ZCCHC7: variants seen among roughly 807,000 people sequenced by gnomAD.
ZCCHC7 encodes zinc finger CCHC-type containing 7, also known as zinc finger CCHC domain-containing protein 7.
In ZCCHC7, 35 loss-of-function variants were observed where a neutral mutation model predicts 52.0. The observed-to-expected ratio is 0.67, with a 90% confidence interval of 0.51 to 0.89. The LOEUF (loss-of-function observed/expected upper bound fraction) is 0.89, where lower values mean the gene tolerates loss of function less well. ZCCHC7 is among the 40% of genes least tolerant of loss of function. The pLI is 0.00. For missense variants in ZCCHC7, 574 were observed against 649.1 expected (o/e 0.88, Z 1.26); for synonymous variants, 217 against 221.5 (o/e 0.98, Z 0.18).
intron 8 of ZCCHC7, among the ~76,000 whole-genome samples, chr9:37,355,059 G>C (rs1327870914): frequency 2.0e-5 from 3 of 152,186 alleles, no homozygotes; most frequent in Admixed American, 2.0e-4. Context: ...TTTAGGAAAT[G>C]TCCAGAAAAT....
At chr9:37,317,426 T>A (rs1022045563) in intron 5 of ZCCHC7, among the ~76,000 whole-genome samples, 20 of 152,184 alleles carry the variant, frequency 1.3e-4, no homozygotes, top group Admixed American at 7.9e-4. Flanking sequence ...TTAATATAAG[T>A]ATTTCCTGGG....
At chr9:37,302,423 A>C (rs553786543) in intron 3 of ZCCHC7, among the ~76,000 whole-genome samples, 192 bp downstream of exon 3, 1 of 152,324 alleles carries the variant, frequency 6.6e-6, no homozygotes, top group East Asian at 1.9e-4. Context: ...AGCTGTAATC[A>C]TCCAGTCCCC....
intron 2 of ZCCHC7, among the ~76,000 whole-genome samples, chr9:37,228,980 C>G (rs953502859): frequency 1.3e-5 from 2 of 151,540 alleles, no homozygotes; most frequent in Non-Finnish European, 2.9e-5. Context: ...GGACTATAGG[C>G]GCCTGCCACC....
intron 6 of ZCCHC7, among the ~76,000 whole-genome samples, chr9:37,344,724 G>A (rs2118534765): frequency 6.6e-6 from 1 of 150,832 alleles, no homozygotes; most frequent in East Asian, 1.9e-4. Flanking sequence ...CTAATATTTT[G>A]TATGTTTGTG....
intron 3 of ZCCHC7, among the ~76,000 whole-genome samples, chr9:37,303,177 C>T (rs1829116018): frequency 2.0e-5 from 3 of 152,098 alleles, no homozygotes; most frequent in Admixed American, 2.0e-4. Flanking sequence ...GTAATCCCAA[C>T]ACTTTGGGAG....
chr9:37,291,226 G>A (rs1006839788), intron 2 of ZCCHC7, among the ~76,000 whole-genome samples: 1 of 152,150 alleles, frequency 6.6e-6, no homozygotes, highest in African/African-American at 2.4e-5. Flanking sequence ...AAAGAAACAC[G>A]TAGTCTAGGT....
At chr9:37,162,923 C>A (rs1821185714) in intron 2 of ZCCHC7, among the ~76,000 whole-genome samples, 1 of 152,042 alleles carries the variant, frequency 6.6e-6, no homozygotes, top group South Asian at 2.1e-4. Context: ...AAAATACAGG[C>A]CGGGTACTGT....
intron 2 of ZCCHC7, among the ~76,000 whole-genome samples, chr9:37,182,748 A>G (rs1822436558): frequency 6.6e-6 from 1 of 152,146 alleles, no homozygotes; most frequent in African/African-American, 2.4e-5. Flanking sequence ...TTATTTTTTG[A>G]GGTTTCAGTA....
At chr9:37,250,921 A>T (rs981493953) in intron 2 of ZCCHC7, among the ~76,000 whole-genome samples, 2 of 152,160 alleles carry the variant, frequency 1.3e-5, no homozygotes, top group African/African-American at 4.8e-5. Context: ...GTGGGTTCTG[A>T]TTACTTTACA....
intron 2 of ZCCHC7, among the ~76,000 whole-genome samples, chr9:37,184,501 G>C (rs1822544234): frequency 6.6e-6 from 1 of 151,664 alleles, no homozygotes; most frequent in South Asian, 2.1e-4. Flanking sequence ...CTGCTCTCCT[G>C]ATCTCTTATC....
chr9:37,235,677 G>C (rs768541349), intron 2 of ZCCHC7, among the ~76,000 whole-genome samples: 1 of 150,674 alleles, frequency 6.6e-6, no homozygotes, highest in African/African-American at 2.4e-5. Context: ...TGCAACCTCC[G>C]ACTCCCTGTT....
At chr9:37,271,449 A>C (rs959274793) in intron 2 of ZCCHC7, among the ~76,000 whole-genome samples, 2 of 152,236 alleles carry the variant, frequency 1.3e-5, no homozygotes, top group Non-Finnish European at 2.9e-5. Flanking sequence ...CTTATAAAGC[A>C]TATATATTTA....
intron 6 of ZCCHC7, 51 bp downstream of exon 6, chr9:37,327,885 T>G: frequency 6.3e-7 from 1 of 1,575,324 alleles, no homozygotes; most frequent in Non-Finnish European, 8.7e-7. Flanking sequence ...CTATTTACCC[T>G]TCTCTGAACT....
intron 6 of ZCCHC7, among the ~76,000 whole-genome samples, chr9:37,345,825 CAATT>C (rs1376361199): frequency 2.6e-5 from 4 of 151,908 alleles, no homozygotes; most frequent in Admixed American, 6.6e-5. Flanking sequence ...TATTATATCT[CAATT>C]GATAATACCT....
chr9:37,197,198 G>A (rs958789121), intron 2 of ZCCHC7, among the ~76,000 whole-genome samples: 2 of 151,946 alleles, frequency 1.3e-5, no homozygotes, highest in Non-Finnish European at 2.9e-5. Flanking sequence ...CCAGCCTCTA[G>A]TGTGATACTT....
intron 6 of ZCCHC7, among the ~76,000 whole-genome samples, chr9:37,343,604 G>A (rs762803834): frequency 8.5e-5 from 13 of 152,122 alleles, no homozygotes; most frequent in Non-Finnish European, 1.6e-4. Flanking sequence ...AACTAAATTC[G>A]GAAAAATTCC....
At chr9:37,268,151 TC>T (rs1204549783) in intron 2 of ZCCHC7, among the ~76,000 whole-genome samples, 1 of 152,202 alleles carries the variant, frequency 6.6e-6, no homozygotes, top group Non-Finnish European at 1.5e-5. Context: ...GATTTTTTGT[TC>T]CCCACAGTGC....
intron 2 of ZCCHC7, among the ~76,000 whole-genome samples, chr9:37,135,612 T>C (rs1842965823): frequency 1.3e-5 from 2 of 152,232 alleles, no homozygotes; most frequent in South Asian, 4.1e-4. Flanking sequence ...CGGGGATACC[T>C]AACAAATTGT....
At chr9:37,291,340 T>TA (rs151207576) in intron 2 of ZCCHC7, among the ~76,000 whole-genome samples, 7,711 of 151,930 alleles carry the variant, frequency 0.051, 636 homozygotes, top group African/African-American at 0.17. Context: ...CAAGAACTGA[T>TA]AAGTGAATGA....
Sources: allele counts gnomAD v4.1 joint callset (sites outside exome capture counted in the v4.1 genomes callset), GRCh38; gene constraint gnomAD v4.1.1; transcripts MANE v1.5; gene names NCBI Gene and HGNC (gene_info 2026-07-23, HGNC 2026-07-21).